The following GNAO1 variants were observed in gnomAD, a reference collection of about 807,000 sequenced individuals.
The protein encoded by GNAO1 is G protein subunit alpha o1, also known as guanine nucleotide-binding protein G(o) subunit alpha.
For synonymous variants in GNAO1, 164 were observed against 180.7 expected, an observed-to-expected ratio of 0.91 and a Z score of 0.74; for missense variants, 166 against 478.7, an observed-to-expected ratio of 0.35 and a Z score of 6.10.
intron 3 of GNAO1, among the ~76,000 whole-genome samples, chr16:56,294,544 T>C (rs1054650246): frequency 2.0e-5 from 3 of 152,128 alleles, no homozygotes; most frequent in Admixed American, 1.3e-4. Context: ...TTGTTTCCAT[T>C]CTGGGACTCT....
intron 2 of GNAO1, among the ~76,000 whole-genome samples, chr16:56,202,556 T>A (rs1298355116): frequency 6.6e-6 from 1 of 152,150 alleles, no homozygotes; most frequent in Non-Finnish European, 1.5e-5. Flanking sequence ...GAGGAAGTGG[T>A]AGAAGGAACA....
At chr16:56,348,100 C>G (rs1267833842) in intron 6 of GNAO1, 2 of 974,876 alleles carry the variant, frequency 2.1e-6, no homozygotes, top group East Asian at 2.3e-4. Flanking sequence ...AGAAGAGTGA[C>G]TTGTTGGTTT....
At chr16:56,337,941 C>T (rs1336474394) in intron 6 of GNAO1, among the ~76,000 whole-genome samples, 4 of 152,206 alleles carry the variant, frequency 2.6e-5, no homozygotes, top group Non-Finnish European at 5.9e-5. Flanking sequence ...ACATGCAAAT[C>T]CCCCACCCCA....
intron 8 of GNAO1, chr16:56,355,596 T>C (rs1421368663): frequency 2.6e-5 from 4 of 152,316 alleles, no homozygotes; most frequent in Non-Finnish European, 5.9e-5. Context: ...CTCCTCACTC[T>C]GCACTCCCAA....
chr16:56,319,742 T>C (rs2037553137), intron 3 of GNAO1, among the ~76,000 whole-genome samples: 1 of 152,020 alleles, frequency 6.6e-6, no homozygotes, highest in South Asian at 2.1e-4. Context: ...GGCATCCTGC[T>C]CCCCAGCAAC....
chr16:56,294,213 C>G lies in GNAO1; in HGVS notation c.303+18141C>G, dbSNP rs1451984148. On this transcript the variant is annotated intron_variant, in intron 3 of 8. Coordinates refer to ENST00000262493, the MANE Select transcript of GNAO1 (RefSeq NM_020988.3). ...TTAGCAGGACACTGCAGGCAGGCCC[C>G]GTCGCTCTCTGGGCTTCAAGCTTCC... is the stretch of plus-strand genomic sequence containing the variant. 2.6e-5 allele frequency among the ~76,000 whole-genome samples: 4 copies of G among 152,072 alleles called. No homozygotes were observed. In the South Asian group the frequency reaches 6.2e-4, roughly 24 times the overall value.
At chr16:56,345,332 C>G (rs1315366692) in intron 6 of GNAO1, 1 of 985,486 alleles carries the variant, frequency 1.0e-6, no homozygotes, top group Non-Finnish European at 1.2e-6. Context: ...TGACAGGCCT[C>G]TGCCTCCCTC....
intron 2 of GNAO1, among the ~76,000 whole-genome samples, chr16:56,242,685 A>C (rs1376227074): frequency 3.9e-5 from 6 of 152,268 alleles, no homozygotes; most frequent in African/African-American, 1.4e-4. Flanking sequence ...TGGATCAAAG[A>C]CTTAAACAAA....
At chr16:56,297,674 A>G (rs1482307544) in intron 3 of GNAO1, among the ~76,000 whole-genome samples, 1 of 151,888 alleles carries the variant, frequency 6.6e-6, no homozygotes, top group African/African-American at 2.4e-5. Context: ...GTGGAGTTGT[A>G]ATTAGGAAAT....
chr16:56,296,034 A>T (rs1054047104), intron 3 of GNAO1, among the ~76,000 whole-genome samples: 5 of 152,262 alleles, frequency 3.3e-5, no homozygotes, highest in African/African-American at 1.2e-4. Flanking sequence ...GGCCTTTGGC[A>T]GGACCCATTC....
At chr16:56,246,729 C>G (rs1035312958) in intron 2 of GNAO1, among the ~76,000 whole-genome samples, 1 of 152,166 alleles carries the variant, frequency 6.6e-6, no homozygotes, top group Non-Finnish European at 1.5e-5. Flanking sequence ...CTCCAGTGAT[C>G]ATTGCTAGTC....
At chr16:56,283,620 C>T (rs573002211) in intron 3 of GNAO1, among the ~76,000 whole-genome samples, 1 of 152,298 alleles carries the variant, frequency 6.6e-6, no homozygotes, top group Admixed American at 6.5e-5. Flanking sequence ...CAGATAAAAA[C>T]AAGGATGCTA....
At chr16:56,331,986 T>C (rs978341516) in intron 4 of GNAO1, among the ~76,000 whole-genome samples, 2 of 152,172 alleles carry the variant, frequency 1.3e-5, no homozygotes, top group Non-Finnish European at 2.9e-5. Context: ...CTCGTCCTCC[T>C]GTATCCCACA....
rs145255882 is a variant in GNAO1 at position 56,218,127 on chromosome 16, C to T, written c.161+25511C>T. Among the ~76,000 whole-genome samples the T allele has an allele frequency of 5.3e-5, 8 of 152,326 alleles. No homozygotes were observed. The East Asian group carries it at 1.5e-3, about 29-fold the overall frequency. On this transcript the variant is annotated intron_variant, in intron 2 of 8. Transcript: ENST00000262493. ...TGCCAAAAATAATTATGAAGCTGTG[C>T]CTAGCCCCAGGTGGGCGAGAGATCC...
chr16:56,235,735 C>T (rs2036631793), intron 2 of GNAO1, among the ~76,000 whole-genome samples: 2 of 152,204 alleles, frequency 1.3e-5, no homozygotes, highest in East Asian at 3.9e-4. Context: ...CCCAGCCCTG[C>T]CTGGGAGCTA....
chr16:56,321,966 A>T (rs2037576518), intron 3 of GNAO1, among the ~76,000 whole-genome samples: 1 of 152,342 alleles, frequency 6.6e-6, no homozygotes, highest in Non-Finnish European at 1.5e-5. Context: ...TATTTCTCAC[A>T]GTTCTGGAAG....
chr16:56,312,615 C>A (rs2037471582), intron 3 of GNAO1, among the ~76,000 whole-genome samples: 1 of 152,258 alleles, frequency 6.6e-6, no homozygotes, highest in Non-Finnish European at 1.5e-5. Context: ...TGCAAAGACT[C>A]ATAATTCTGG....
intron 3 of GNAO1, among the ~76,000 whole-genome samples, chr16:56,309,156 G>A (rs2037429375): frequency 6.6e-6 from 1 of 152,018 alleles, no homozygotes. Context: ...AGACAGGCAG[G>A]GTGGGCTCCC....
rs1294947151 is a variant in GNAO1, at chr16:56,311,015, G to A, written c.304-17616G>A. Among the ~76,000 whole-genome samples, 2 of 152,154 alleles carry A rather than the reference G, an allele frequency of 1.3e-5. No homozygotes were observed. The highest frequency in any genetic ancestry group is 4.8e-5 in the African/African-American group (2 of 41,430). On this transcript the variant is annotated intron_variant, in intron 3 of 8. Coordinates refer to ENST00000262493, the MANE Select transcript of GNAO1 (RefSeq NM_020988.3). The surrounding 1 kb of genome is among the most constrained non-coding windows in gnomAD (Gnocchi z 5.2). ...TTGATTTCAACTTAGTTACATGGCAGGTTGTGGCCTACAGAAAAGTTCCCG... is the reference window on the plus strand; with the variant it reads ...TTGATTTCAACTTAGTTACATGGCAAGTTGTGGCCTACAGAAAAGTTCCCG...
Sources: gnomAD v4.1 joint callset for allele counts (sites outside exome capture counted in the v4.1 genomes callset) on GRCh38, gnomAD v4.1.1 for gene constraint, Gnocchi (gnomAD v3.1) non-coding constraint, MANE v1.5 for transcripts, NCBI Gene and HGNC (gene_info 2026-07-23, HGNC 2026-07-21) for gene names.